Variants in SH2D1A observed in about 807,000 individuals in gnomAD.
SH2D1A encodes SH2 domain containing 1A.
Under a neutral mutation model 10.1 loss-of-function variants are expected in SH2D1A, and 6 were observed. The ratio of observed to expected loss-of-function variants is 0.60; its 90% CI spans 0.33 to 1.18. The LOEUF (loss-of-function observed/expected upper bound fraction) is 1.18, where lower values mean the gene tolerates loss of function less well. Among genes scored for constraint, SH2D1A ranks in the 50% most tolerant of loss-of-function variants. The pLI is 0.04. For missense variants in SH2D1A, 51 were observed against 97.6 expected, an observed-to-expected ratio of 0.52 and a Z score of 2.01; for synonymous variants, 42 against 36.9, an observed-to-expected ratio of 1.14 and a Z score of -0.51.
chrX:124,352,330 T>C (rs146073519), intron 1 of SH2D1A, among the ~76,000 whole-genome samples: 6,944 of 111,497 alleles, frequency 0.062, 223 homozygotes, highest in Middle Eastern at 0.11. Flanking sequence ...TTCTGGACTA[T>C]CTATTTGTCT....
At chrX:124,360,616 A>G (rs1415708326) in intron 1 of SH2D1A, among the ~76,000 whole-genome samples, 1 of 102,344 alleles carries the variant, frequency 9.8e-6, no homozygotes, top group Non-Finnish European at 2.0e-5. Context: ...AAAAAAAAAA[A>G]AAAAAAAAGC....
intron 1 of SH2D1A, among the ~76,000 whole-genome samples, chrX:124,351,254 G>T (rs909749743): frequency 9.4e-6 from 1 of 106,865 alleles, no homozygotes; most frequent in Non-Finnish European, 1.9e-5. Flanking sequence ...TTTAATGGCT[G>T]CATGGTAGTC....
At chrX:124,366,828 G>A (rs1294412314) in intron 2 of SH2D1A, among the ~76,000 whole-genome samples, 1 of 105,206 alleles carries the variant, frequency 9.5e-6, no homozygotes, top group East Asian at 3.0e-4. Flanking sequence ...GATTGAATAA[G>A]AAATTAAACT....
At chrX:124,357,593 A>C (rs976258259) in intron 1 of SH2D1A, among the ~76,000 whole-genome samples, 1 of 111,294 alleles carries the variant, frequency 9.0e-6, no homozygotes, top group Non-Finnish European at 1.9e-5. Flanking sequence ...GGCTGTACTA[A>C]TTTATATTCC....
Position 124,371,363 on chromosome X carries a change from A to T in SH2D1A, c.359A>T (p.Asp120Val). ...STQGTTGIRE[D>V]PDVCLKAP ...TATTTTTCTTTAGGGATAAGAGAAG[A>T]TCCTGATGTCTGCCTGAAAGCCCCA... The change falls in exon 4 of 4, where the codon GAT becomes GTT. Residue 120 changes from aspartate to valine, a missense_variant. Transcript: ENST00000371139. 1 of 1,173,586 alleles carries T rather than the reference A, an allele frequency of 8.5e-7. No individual in the cohort carries two copies. Among genetic ancestry groups the T allele is most frequent in the Non-Finnish European group, 1.2e-6 (1 of 863,010 alleles).
At position 124,372,574 on chromosome X, in the gene SH2D1A, T is replaced by C. The variant is rs1258711914; in HGVS notation, c.*1183T>C. The C allele has an allele frequency of 5.9e-6, 1 of 169,861 alleles. No homozygotes were observed. Among genetic ancestry groups the C allele is most frequent in the African/African-American group, 3.0e-5 (1 of 33,736 alleles). The allele number at this position is 169,861 out of a possible 1,213,427, so 14.0% of individuals were successfully genotyped here. On this transcript the variant is annotated 3_prime_UTR_variant, in exon 4 of 4. Transcript: ENST00000371139. ...AAAAATAACAATGAAAGTTGATAAGTACATGATAAGCGAGGTTCCCCGTGT... is the reference window on the plus strand; with the variant it reads ...AAAAATAACAATGAAAGTTGATAAGCACATGATAAGCGAGGTTCCCCGTGT...
chrX:124,371,341 T>C lies in SH2D1A; in HGVS notation c.347-10T>C. 8.7e-7 allele frequency: 1 copy of C among 1,144,109 alleles called. No individual in the cohort carries two copies. Among genetic ancestry groups the C allele is most frequent in the Non-Finnish European group, 1.2e-6 (1 of 838,029 alleles). The allele number at this position is 1,144,109 out of a possible 1,213,427, so 94.3% of individuals were successfully genotyped here. A position where few individuals can be genotyped will look rare whatever the true frequency, so the allele number is the denominator to read the frequency against. On this transcript the variant is annotated splice_polypyrimidine_tract_variant and intron_variant, in intron 3 of 3. Transcript: ENST00000371139. ...TTTATTTTTTCTTGATTTTTGTTAT[T>C]TTTCTTTAGGGATAAGAGAAGATCC...
chrX:124,347,465 G>T (rs1342510585), intron 1 of SH2D1A, among the ~76,000 whole-genome samples: 1 of 111,737 alleles, frequency 8.9e-6, no homozygotes, highest in African/African-American at 3.3e-5. Flanking sequence ...TTATGATTCA[G>T]CTTTGCCATT....
At chrX:124,362,418 T>C (rs1257217733) in intron 1 of SH2D1A, among the ~76,000 whole-genome samples, 6 of 112,386 alleles carry the variant, frequency 5.3e-5, no homozygotes, top group Non-Finnish European at 1.9e-5. Context: ...GAGTTTGCCT[T>C]GCTAGGTTTT....
At chrX:124,348,691 C>T (rs2060000045) in intron 1 of SH2D1A, among the ~76,000 whole-genome samples, 2 of 111,702 alleles carry the variant, frequency 1.8e-5, no homozygotes, top group Admixed American at 1.9e-4. Context: ...TGCTTGTTTA[C>T]CTACTTATTG....
rs776665385 is a variant in SH2D1A, at chrX:124,371,085, C to T, written c.347-266C>T. Among the ~76,000 whole-genome samples, 134 of 111,800 alleles carry T rather than the reference C, an allele frequency of 1.2e-3. 1 individual carries two copies. In the East Asian group the frequency reaches 0.036, roughly 30 times the overall value. ...GCTCAGGCATAAACTGACAATTAGA[C>T]TCAAGTGGTGAATTAAATTAATGAA... On this transcript the variant is annotated intron_variant, in intron 3 of 3. Transcript: ENST00000371139.
chrX:124,346,834 G>C, intron 1 of SH2D1A, 55 bp downstream of exon 1: 1 of 1,192,673 alleles, frequency 8.4e-7, no homozygotes, highest in East Asian at 3.0e-5. Context: ...GTGGGCAACA[G>C]CAGCTGGGGC....
At chrX:124,350,693 G>T in intron 1 of SH2D1A, among the ~76,000 whole-genome samples, 3 of 26,141 alleles carry the variant, frequency 1.1e-4, no homozygotes, top group Admixed American at 6.4e-4. Flanking sequence ...ATTATATATT[G>T]TATATAAGAT....
chrX:124,364,483 T>G (rs1475221358), intron 1 of SH2D1A: 2 of 239,982 alleles, frequency 8.3e-6, no homozygotes, highest in Non-Finnish European at 1.5e-5. Context: ...GAGTTGAAGC[T>G]AAGATTAATT....
At chrX:124,363,434 C>T (rs924949466) in intron 1 of SH2D1A, among the ~76,000 whole-genome samples, 4 of 111,321 alleles carry the variant, frequency 3.6e-5, no homozygotes, top group East Asian at 2.8e-4. Flanking sequence ...TTTTCCTTAA[C>T]GACGAACAGC....
At chrX:124,348,222 G>T (rs1179744180) in intron 1 of SH2D1A, among the ~76,000 whole-genome samples, 1 of 111,572 alleles carries the variant, frequency 9.0e-6, no homozygotes, top group Admixed American at 9.6e-5. Context: ...TTCCCGTGTG[G>T]AACCTAGGGA....
At chrX:124,354,485 A>G (rs1265411307) in intron 1 of SH2D1A, among the ~76,000 whole-genome samples, 2 of 111,156 alleles carry the variant, frequency 1.8e-5, no homozygotes, top group Non-Finnish European at 3.8e-5. Context: ...AGTATAAGAG[A>G]GGGGCAGCAC....
At chrX:124,368,814 A>G (rs755594501) in intron 2 of SH2D1A, among the ~76,000 whole-genome samples, 1 of 112,428 alleles carries the variant, frequency 8.9e-6, no homozygotes, top group Non-Finnish European at 1.9e-5. Context: ...TAAGGAGGCA[A>G]TTTGTGCCTA....
At chrX:124,370,125 T>C in intron 2 of SH2D1A, 51 bp from the exon 3 acceptor site, 1 of 951,239 alleles carries the variant, frequency 1.1e-6, no homozygotes. Context: ...GTAGGTCTTT[T>C]TGTATCATTA....
Sources: gnomAD v4.1 joint callset for allele counts (sites outside exome capture counted in the v4.1 genomes callset) on GRCh38, gnomAD v4.1.1 for gene constraint, MANE v1.5 for transcripts, NCBI Gene and HGNC (gene_info 2026-07-23, HGNC 2026-07-21) for gene names.